PIEZO2: variants seen among roughly 807,000 people sequenced by gnomAD.
The protein encoded by PIEZO2 is piezo type mechanosensitive ion channel component 2.
A neutral mutation model predicts 337.3 loss-of-function variants in PIEZO2; 172 were observed. The ratio of observed to expected loss-of-function variants is 0.51; its 90% CI spans 0.45 to 0.58. The LOEUF (loss-of-function observed/expected upper bound fraction) is 0.58, where lower values mean the gene tolerates loss of function less well. Among genes scored for constraint, PIEZO2 ranks in the 20% least tolerant of loss-of-function variants. PIEZO2 has a pLI of 0.00. For synonymous variants in PIEZO2, 1,251 were observed against 1,228.5 expected, an observed-to-expected ratio of 1.02 and a Z score of -0.38; for missense variants, 3,028 against 3,391.3, an observed-to-expected ratio of 0.89 and a Z score of 2.66.
chr18:11,067,552 T>C (rs1380582559), intron 1 of PIEZO2, among the ~76,000 whole-genome samples: 1 of 152,198 alleles, frequency 6.6e-6, no homozygotes. Flanking sequence ...GAAAAAGATA[T>C]TCTATGCAAA....
At chr18:10,807,606 T>C (rs184333468) in intron 7 of PIEZO2, among the ~76,000 whole-genome samples, 14 of 152,350 alleles carry the variant, frequency 9.2e-5, no homozygotes, top group Non-Finnish European at 1.3e-4. Context: ...GTTTTAATTA[T>C]TAATCAGCCC....
chr18:10,797,722 T>G (rs1455672638), intron 11 of PIEZO2, among the ~76,000 whole-genome samples, 200 bp from the exon 12 acceptor site: 3 of 152,118 alleles, frequency 2.0e-5, no homozygotes, highest in Non-Finnish European at 4.4e-5. Context: ...ATCTAGCATG[T>G]GATAATTGAG....
chr18:10,933,449 CT>C (rs2032206787), intron 3 of PIEZO2, among the ~76,000 whole-genome samples: 2 of 151,860 alleles, frequency 1.3e-5, no homozygotes, highest in South Asian at 4.2e-4. Flanking sequence ...TGTTATTTGC[CT>C]TTTAACAGAG....
intron 4 of PIEZO2, among the ~76,000 whole-genome samples, chr18:10,906,095 G>A (rs537163888): frequency 6.6e-6 from 1 of 152,244 alleles, no homozygotes; most frequent in African/African-American, 2.4e-5. Context: ...CACCCCAAAA[G>A]ACAGAGCTAG....
intron 1 of PIEZO2, among the ~76,000 whole-genome samples, chr18:11,089,299 C>T (rs532438779): frequency 4.6e-5 from 7 of 152,246 alleles, no homozygotes; most frequent in South Asian, 2.1e-4. Context: ...TTAGGCTTAT[C>T]GAGTAAGACT....
At chr18:11,066,939 A>C (rs1311749847) in intron 1 of PIEZO2, among the ~76,000 whole-genome samples, 1 of 152,200 alleles carries the variant, frequency 6.6e-6, no homozygotes, top group Non-Finnish European at 1.5e-5. Context: ...TTAAGTTGCT[A>C]TCAGTTTAAA....
intron 54 of PIEZO2, among the ~76,000 whole-genome samples, chr18:10,674,634 G>A (rs2033913745): frequency 6.6e-6 from 1 of 152,238 alleles, no homozygotes; most frequent in Admixed American, 6.5e-5. Context: ...GAATTAATGT[G>A]TGCCAGATAA....
intron 7 of PIEZO2, among the ~76,000 whole-genome samples, chr18:10,812,441 T>C (rs75138666): frequency 0.061 from 9,280 of 152,252 alleles, 351 homozygotes; most frequent in African/African-American, 0.098. Flanking sequence ...ACTTATTACC[T>C]GGGTGATGAA....
intron 3 of PIEZO2, among the ~76,000 whole-genome samples, chr18:10,956,983 A>G (rs1321722863): frequency 2.7e-5 from 4 of 148,314 alleles, no homozygotes; most frequent in South Asian, 2.1e-4. Flanking sequence ...AAAAAAAAAA[A>G]AAAGAAATCA....
chr18:11,018,067 T>C (rs938007795), intron 2 of PIEZO2, among the ~76,000 whole-genome samples: 10 of 152,170 alleles, frequency 6.6e-5, no homozygotes, highest in African/African-American at 2.4e-4. Context: ...AGCAGGGCCC[T>C]GCTCCCCGAG....
rs2039098590 is a variant in PIEZO2, at chr18:10,783,303, T to C, written c.2492+1481A>G. Among the ~76,000 whole-genome samples the C allele has an allele frequency of 6.6e-6, 1 of 152,204 alleles. No individual in the cohort carries two copies. The highest frequency in any genetic ancestry group is 1.5e-5 in the Non-Finnish European group (1 of 68,036). On this transcript the variant is annotated intron_variant, in intron 17 of 55. Transcript: ENST00000674853. This position sits in a 1 kb window ranked among gnomAD's most constrained non-coding sequence, Gnocchi z 4.3. ...TTATAGTAAATTTAAACATGTTACA[T>C]GGTCAGAATTAAATATCAAATACTA... is the stretch of plus-strand genomic sequence containing the variant.
chr18:10,729,653 A>G (rs2144050852), intron 36 of PIEZO2, among the ~76,000 whole-genome samples: 1 of 152,126 alleles, frequency 6.6e-6, no homozygotes, highest in South Asian at 2.1e-4. Flanking sequence ...AAGAAACAAA[A>G]TACAACAGAT....
At chr18:11,122,000 C>G (rs1169302343) in intron 1 of PIEZO2, among the ~76,000 whole-genome samples, 1 of 152,124 alleles carries the variant, frequency 6.6e-6, no homozygotes, top group Non-Finnish European at 1.5e-5. Flanking sequence ...GTCACCCAGG[C>G]TGGAGTGCAG....
intron 49 of PIEZO2, among the ~76,000 whole-genome samples, chr18:10,683,549 G>A (rs1207910443): frequency 6.6e-6 from 1 of 152,182 alleles, no homozygotes; most frequent in Non-Finnish European, 1.5e-5. Flanking sequence ...GATAGCAGTA[G>A]CAGTGTATTT....
chr18:10,695,533 A>G (rs910351903), intron 47 of PIEZO2, among the ~76,000 whole-genome samples: 2 of 152,172 alleles, frequency 1.3e-5, no homozygotes, highest in Non-Finnish European at 2.9e-5. Context: ...TCTTACCACA[A>G]GCTGAGACAT....
chr18:10,908,742 T>C (rs550478601), intron 4 of PIEZO2: 3 of 152,318 alleles, frequency 2.0e-5, no homozygotes, highest in Admixed American at 1.3e-4. Context: ...AATGGACCCA[T>C]ACTATAAGTA....
intron 36 of PIEZO2, among the ~76,000 whole-genome samples, chr18:10,722,573 G>A (rs2036363788): frequency 1.3e-5 from 2 of 152,002 alleles, no homozygotes; most frequent in East Asian, 1.9e-4. Context: ...AAACTGCAAG[G>A]GGAAATTTAG....
intron 54 of PIEZO2, 35 bp downstream of exon 54, chr18:10,675,174 A>G (rs2033939002): frequency 1.4e-6 from 2 of 1,418,620 alleles, no homozygotes; most frequent in Non-Finnish European, 9.7e-7. Flanking sequence ...ACTAGGATTG[A>G]AAACAATTCT....
Position 10,940,666 on chromosome 18 carries a change from A to G in PIEZO2, c.287-29438T>C, listed in dbSNP as rs1305913275. Among the ~76,000 whole-genome samples, 1 of 152,204 alleles carries G rather than the reference A, an allele frequency of 6.6e-6. No individual in the cohort carries two copies. The highest frequency in any genetic ancestry group is 2.4e-5 in the African/African-American group (1 of 41,456). On this transcript the variant is annotated intron_variant, in intron 3 of 55. Coordinates refer to ENST00000674853, the MANE Select transcript of PIEZO2 (RefSeq NM_001378183.1). The surrounding 1 kb of genome is among the most constrained non-coding windows in gnomAD (Gnocchi z 5.3). ...CTCACAAGGCCAAGTGATTGAGACC[A>G]TCCTAGCCAACATGGTGAAACCCTA...
Sources: allele counts gnomAD v4.1 joint callset (sites outside exome capture counted in the v4.1 genomes callset), GRCh38; gene constraint gnomAD v4.1.1; non-coding constraint Gnocchi (gnomAD v3.1); transcripts MANE v1.5; gene names NCBI Gene and HGNC (gene_info 2026-07-23, HGNC 2026-07-21).